Variants in MAPK6 observed in about 807,000 individuals in gnomAD.
The protein encoded by MAPK6 is mitogen-activated protein kinase 6, also known as ERK-3.
Under a neutral mutation model 59.3 loss-of-function variants are expected in MAPK6, and 19 were observed. The ratio of observed to expected loss-of-function variants is 0.32; its 90% CI spans 0.22 to 0.47. The LOEUF is 0.47. Ranked by LOEUF, MAPK6 falls within the 20% of genes least tolerant of loss-of-function variation. The pLI is 1.00. For synonymous variants in MAPK6, 316 were observed against 290.3 expected, an observed-to-expected ratio of 1.09 and a Z score of -0.90; for missense variants, 724 against 847.9, an observed-to-expected ratio of 0.85 and a Z score of 1.81.
At chr15:52,015,305 CCTGA>C (rs1421758408), upstream of MAPK6, among the ~76,000 whole-genome samples, 1 of 151,524 alleles carries the variant, frequency 6.6e-6, no homozygotes, top group African/African-American at 2.4e-5. Context: ...CCAGCCTACA[CCTGA>C]CTAATTTTTG....
intron 1 of MAPK6, among the ~76,000 whole-genome samples, chr15:52,022,739 A>G (rs528711033): frequency 6.6e-6 from 1 of 152,170 alleles, no homozygotes; most frequent in Non-Finnish European, 1.5e-5. Context: ...AGAGCATCAC[A>G]TTACTTAGAG....
At chr15:52,012,519 T>G (rs1018406831) in intron 3 of MAPK6, among the ~76,000 whole-genome samples, 12 of 152,206 alleles carry the variant, frequency 7.9e-5, no homozygotes, top group Non-Finnish European at 1.3e-4. Flanking sequence ...CTGGTCCTTT[T>G]CAAATGATTT....
At chr15:52,037,720 A>G (rs1217674064) in intron 1 of MAPK6, among the ~76,000 whole-genome samples, 1 of 152,214 alleles carries the variant, frequency 6.6e-6, no homozygotes, top group African/African-American at 2.4e-5. Context: ...CATATCTGGG[A>G]ATCTTCACTG....
At chr15:52,015,404 C>T (rs1398537364), upstream of MAPK6, among the ~76,000 whole-genome samples, 3 of 152,138 alleles carry the variant, frequency 2.0e-5, no homozygotes, top group Non-Finnish European at 4.4e-5. Context: ...GCCTCGGCCT[C>T]CCAGAGTACT....
Position 52,064,930 on chromosome 15 carries a change from C to G in MAPK6, c.2096C>G (p.Pro699Arg). 1 of 1,611,824 alleles carries G rather than the reference C, an allele frequency of 6.2e-7. No homozygotes were observed. The highest frequency in any genetic ancestry group is 8.5e-7 in the Non-Finnish European group (1 of 1,179,712). ...AAGTCAATACAGGCCACATTAACAC[C>G]TTCTGCTATGAAATCTTCCCCTCAA... ...PLKSIQATLT[P>R]SAMKSSPQIP... Residue 699 changes from proline to arginine, a missense_variant, in exon 6 of 6, where the codon CCT becomes CGT. Pro to Arg is a moderately radical substitution (Grantham distance 103). Around this residue, in one of 4 missense-constraint regions of MAPK6, gnomAD observed 502 missense variants for 507.6 expected, o/e 0.99. Coordinates refer to ENST00000261845, the MANE Select transcript of MAPK6 (RefSeq NM_002748.4).
intron 1 of MAPK6, among the ~76,000 whole-genome samples, chr15:52,025,658 C>T (rs539895462): frequency 2.0e-5 from 3 of 151,946 alleles, no homozygotes; most frequent in Non-Finnish European, 2.9e-5. Flanking sequence ...AAAAATTAGC[C>T]GGGTGGCGGG....
At position 51,985,734 on chromosome 15, in the gene MAPK6, A is replaced by T. The variant is rs1402481458; in HGVS notation, c.-770+2419A>T. Among the ~76,000 whole-genome samples the T allele has an allele frequency of 7.9e-5, 12 of 152,134 alleles. 1 individual carries two copies. Among genetic ancestry groups the T allele is most frequent in the Admixed American group, 7.9e-4 (12 of 15,276 alleles). ...AACACTTTGGGAGGCCGAGGCGGGC[A>T]GATCACAAGGTCAGGACATCAAGAC... On this transcript the variant is annotated intron_variant, in intron 2 of 7. Transcript: ENST00000691380.
intron 1 of MAPK6, among the ~76,000 whole-genome samples, chr15:52,038,106 C>G (rs1049288894): frequency 6.0e-5 from 9 of 150,452 alleles, no homozygotes; most frequent in African/African-American, 2.0e-4. Context: ...GAATCCACTA[C>G]ATGCCCCTGT....
intron 4 of MAPK6, 34 bp downstream of exon 4, chr15:52,058,831 G>A (rs752620431): frequency 6.4e-7 from 1 of 1,561,054 alleles, no homozygotes; most frequent in East Asian, 2.3e-5. Context: ...TCACGTTAAT[G>A]CCTGTGTGTG....
chr15:51,979,661 CAT>C (rs1422966175), intron 1 of MAPK6, among the ~76,000 whole-genome samples: 5 of 151,626 alleles, frequency 3.3e-5, no homozygotes, highest in Admixed American at 1.3e-4. Flanking sequence ...GATGTGGTGA[CAT>C]GTGCCTGTAG....
chr15:52,058,279 C>T (rs550095863), intron 3 of MAPK6, among the ~76,000 whole-genome samples: 2 of 152,304 alleles, frequency 1.3e-5, no homozygotes, highest in East Asian at 3.9e-4. Flanking sequence ...GAGATGTTAG[C>T]TATTGTCTCT....
intron 2 of MAPK6, among the ~76,000 whole-genome samples, chr15:52,048,986 C>G (rs1443990746): frequency 1.3e-5 from 2 of 152,194 alleles, no homozygotes; most frequent in East Asian, 1.9e-4. Flanking sequence ...AAAATTGACT[C>G]CATTTCTACA....
At chr15:52,016,070 G>GCGCGCGCACGCACACACACACACA, upstream of MAPK6, among the ~76,000 whole-genome samples, 1 of 55,392 alleles carries the variant, frequency 1.8e-5, no homozygotes, top group Admixed American at 2.0e-4. Flanking sequence ...GCGCGCGCGC[G>GCGCGCGCACGCACACACACACACA]CACACACACA....
chr15:51,978,671 A>C (rs1343792898), intron 1 of MAPK6, among the ~76,000 whole-genome samples: 1 of 145,882 alleles, frequency 6.9e-6, no homozygotes, highest in Non-Finnish European at 1.5e-5. Flanking sequence ...CATTAAAAAA[A>C]CAAAACAAGA....
At chr15:52,016,052 T>TCGCGCGCGCGCG (rs376275284), upstream of MAPK6, among the ~76,000 whole-genome samples, 15 of 68,712 alleles carry the variant, frequency 2.2e-4, 1 homozygote, top group African/African-American at 3.1e-4. Flanking sequence ...CCAAACTCCA[T>TCGCGCGCGCGCG]CGCGCGCGCG....
In MAPK6 at chr15:52,066,796, ATATATT is replaced by A. The variant is rs2032435810; in HGVS notation, c.*1797_*1802del. On this transcript the variant is annotated 3_prime_UTR_variant, in exon 6 of 6. Coordinates refer to ENST00000261845, the MANE Select transcript of MAPK6 (RefSeq NM_002748.4). ...TGTGTGTGTGTGTGTGTGTGTGTAT[ATATATT>A]CATTTATTTATTTTCTGGTTGAATA... 3 of 139,246 alleles carry A rather than the reference ATATATT, an allele frequency of 2.2e-5. No individual in the cohort carries two copies. Among genetic ancestry groups the A allele is most frequent in the African/African-American group, 5.0e-5 (2 of 39,724 alleles). 8.6% of individuals were successfully genotyped at this position (139,246 alleles called of 1,614,324 possible).
chr15:52,032,273 C>T (rs987409728), intron 1 of MAPK6, among the ~76,000 whole-genome samples: 1 of 150,262 alleles, frequency 6.7e-6, no homozygotes, highest in Non-Finnish European at 1.5e-5. Context: ...TCACTGCAAC[C>T]TCCGACTCCC....
intron 1 of MAPK6, among the ~76,000 whole-genome samples, chr15:52,033,113 T>C (rs1476125026): frequency 6.6e-6 from 1 of 152,236 alleles, no homozygotes; most frequent in Non-Finnish European, 1.5e-5. Flanking sequence ...CCTGGCATCT[T>C]TCTACTTTTG....
chr15:52,065,077 T>C lies in MAPK6; in HGVS notation c.*77T>C. The stretch of plus-strand genomic sequence containing the variant: ...TTTTTTATTACTAGTGTTTAAGTCA[T>C]TTTTTACTTGAATCAGATGGTGTCA... On this transcript the variant is annotated 3_prime_UTR_variant, in exon 6 of 6. Coordinates refer to ENST00000261845, the MANE Select transcript of MAPK6 (RefSeq NM_002748.4). 7.4e-7 allele frequency: 1 copy of C among 1,347,660 alleles called. No homozygotes were observed. The highest frequency in any genetic ancestry group is 1.0e-6 in the Non-Finnish European group (1 of 1,001,952). 83.5% of individuals were successfully genotyped at this position (1,347,660 alleles called of 1,614,324 possible). A position where few individuals can be genotyped will look rare whatever the true frequency, so the allele number is the denominator to read the frequency against.
Sources: allele counts gnomAD v4.1 joint callset (sites outside exome capture counted in the v4.1 genomes callset), GRCh38; gene constraint gnomAD v4.1.1; regional missense constraint gnomAD v4.1.1; transcripts MANE v1.5; gene names NCBI Gene and HGNC (gene_info 2026-07-23, HGNC 2026-07-21).